Variants in SNTB1 observed in about 807,000 individuals in gnomAD.
SNTB1 encodes syntrophin beta 1.
SNTB1 carries 36 observed loss-of-function variants against 48.9 expected under a neutral mutation model. The ratio of observed to expected loss-of-function variants is 0.74; its 90% CI spans 0.56 to 0.97. SNTB1 has a LOEUF of 0.97. Ranked by LOEUF, SNTB1 falls within the 50% of genes least tolerant of loss-of-function variation. The probability of loss-of-function intolerance (pLI) is 0.00; values close to 1 mark genes in which losing one functional copy is unlikely to be tolerated. For missense variants in SNTB1, 786 were observed against 703.4 expected (o/e 1.12, Z -1.33); for synonymous variants, 299 against 294.6 (o/e 1.01, Z -0.15).
chr8:120,645,207 C>T (rs1462334175), intron 2 of SNTB1, among the ~76,000 whole-genome samples: 2 of 152,130 alleles, frequency 1.3e-5, no homozygotes, highest in Non-Finnish European at 2.9e-5. Context: ...GTTGCCATTG[C>T]TTTTGGTATT....
At chr8:120,675,562 C>T (rs1246284859) in intron 2 of SNTB1, among the ~76,000 whole-genome samples, 2 of 152,186 alleles carry the variant, frequency 1.3e-5, no homozygotes, top group African/African-American at 4.8e-5. Context: ...CTTCCAGGAA[C>T]ACACATACTT....
In SNTB1 at chr8:120,598,018, T is replaced by A. The variant is rs145579195; in HGVS notation, c.997-22793A>T. Among the ~76,000 whole-genome samples the A allele has an allele frequency of 1.8e-3, 270 of 152,276 alleles. 4 individuals carry two copies. The Middle Eastern group carries it at 0.065, about 36-fold the overall frequency. ...AAAGTCTTCATTAATTCCTCAAGAGTAAACTTTTTTCTGTTTGGGGATGGG... is the reference window on the plus strand; with the variant it reads ...AAAGTCTTCATTAATTCCTCAAGAGAAAACTTTTTTCTGTTTGGGGATGGG... On this transcript the variant is annotated intron_variant, in intron 3 of 6. Transcript: ENST00000517992.
intron 1 of SNTB1, among the ~76,000 whole-genome samples, chr8:120,739,239 A>G (rs904881357): frequency 2.0e-5 from 3 of 152,158 alleles, no homozygotes; most frequent in Non-Finnish European, 4.4e-5. Flanking sequence ...GACCCCTCCT[A>G]TCAATCAGCA....
intron 2 of SNTB1, among the ~76,000 whole-genome samples, chr8:120,633,553 C>T (rs551608054): frequency 1.5e-4 from 23 of 151,900 alleles, no homozygotes; most frequent in Admixed American, 5.9e-4. Context: ...TGCAGTGAGC[C>T]GAGATCAAGC....
At chr8:120,727,658 C>A (rs915249955) in intron 1 of SNTB1, among the ~76,000 whole-genome samples, 1 of 152,144 alleles carries the variant, frequency 6.6e-6, no homozygotes, top group Non-Finnish European at 1.5e-5. Context: ...GAAATTTAGC[C>A]AAACTACTGT....
intron 1 of SNTB1, among the ~76,000 whole-genome samples, chr8:120,737,664 G>A (rs546751834): frequency 2.0e-5 from 3 of 152,302 alleles, no homozygotes; most frequent in African/African-American, 7.2e-5. Flanking sequence ...CCTGGGGCCA[G>A]CCATGTCAAG....
chr8:120,735,154 C>T (rs938210967), intron 1 of SNTB1, among the ~76,000 whole-genome samples: 3 of 152,076 alleles, frequency 2.0e-5, no homozygotes, highest in African/African-American at 7.2e-5. Flanking sequence ...TGTGACAACC[C>T]GAGGTCAATG....
At chr8:120,572,677 T>C (rs1482368902) in intron 4 of SNTB1, among the ~76,000 whole-genome samples, 2 of 152,024 alleles carry the variant, frequency 1.3e-5, no homozygotes, top group South Asian at 2.1e-4. Context: ...TCACCTGAGG[T>C]CAGGAGTTCA....
At chr8:120,732,092 T>C (rs948932617) in intron 1 of SNTB1, among the ~76,000 whole-genome samples, 2 of 152,200 alleles carry the variant, frequency 1.3e-5, no homozygotes, top group African/African-American at 4.8e-5. Context: ...CACAATACCT[T>C]TGTAAAGAGC....
At position 120,618,056 on chromosome 8, in the gene SNTB1, C is replaced by T. The variant is rs984395681; in HGVS notation, c.996+14388G>A. Among the ~76,000 whole-genome samples the T allele has an allele frequency of 3.3e-5, 5 of 152,222 alleles. No homozygotes were observed. In the East Asian group the frequency reaches 5.8e-4, roughly 18 times the overall value. ...TTCTTAAACGAGGCCATGCATTTTGCGTCTTTATGCCTTTGCACATACTAT... is the reference window on the plus strand; with the variant it reads ...TTCTTAAACGAGGCCATGCATTTTGTGTCTTTATGCCTTTGCACATACTAT... On this transcript the variant is annotated intron_variant, in intron 3 of 6. Transcript: ENST00000517992.
At chr8:120,619,691 TAC>T (rs1302703557) in intron 3 of SNTB1, among the ~76,000 whole-genome samples, 6 of 152,228 alleles carry the variant, frequency 3.9e-5, no homozygotes, top group Non-Finnish European at 7.3e-5. Flanking sequence ...CATGATTTAA[TAC>T]AGTTTTTACT....
At chr8:120,747,546 C>T (rs1474024268) in intron 1 of SNTB1, among the ~76,000 whole-genome samples, 1 of 152,124 alleles carries the variant, frequency 6.6e-6, no homozygotes, top group Non-Finnish European at 1.5e-5. Context: ...CTGCCTCAGC[C>T]TCCGAAAGTG....
chr8:120,653,426 G>C (rs1817441378), intron 2 of SNTB1, among the ~76,000 whole-genome samples: 1 of 152,016 alleles, frequency 6.6e-6, no homozygotes, highest in South Asian at 2.1e-4. Flanking sequence ...TTAGGAGAGA[G>C]GTATGAAATG....
At position 120,811,259 on chromosome 8, in the gene SNTB1, T is replaced by A; in HGVS notation, c.571+14A>T. 1 of 1,578,412 alleles carries A rather than the reference T, an allele frequency of 6.3e-7. No individual in the cohort carries two copies. Among genetic ancestry groups the A allele is most frequent in the Non-Finnish European group, 8.6e-7 (1 of 1,169,022 alleles). On this transcript the variant is annotated intron_variant, in intron 1 of 6. Coordinates refer to ENST00000517992, the MANE Select transcript of SNTB1 (RefSeq NM_021021.4). ...TGCGCGCCCGGCGCGGCCCGCGCGC[T>A]GTTAACCCCTTACCTTCCAGCAGCA...
chr8:120,795,663 G>A (rs190566259), intron 1 of SNTB1, among the ~76,000 whole-genome samples: 235 of 152,106 alleles, frequency 1.5e-3, no homozygotes, highest in Non-Finnish European at 2.1e-3. Context: ...CCACCAACTG[G>A]ATGGCTTAGA....
At chr8:120,807,610 T>G (rs556806629) in intron 1 of SNTB1, among the ~76,000 whole-genome samples, 94 of 152,332 alleles carry the variant, frequency 6.2e-4, no homozygotes, top group African/African-American at 2.2e-3. Context: ...GGCTGGGCCA[T>G]GTTACAGCAG....
At chr8:120,628,681 C>G (rs927191120) in intron 3 of SNTB1, among the ~76,000 whole-genome samples, 6 of 151,852 alleles carry the variant, frequency 4.0e-5, no homozygotes, top group African/African-American at 1.5e-4. Context: ...TGCTTGAATC[C>G]GGAGGCAGAG....
At chr8:120,623,107 C>T (rs1291878870) in intron 3 of SNTB1, among the ~76,000 whole-genome samples, 1 of 152,232 alleles carries the variant, frequency 6.6e-6, no homozygotes, top group Non-Finnish European at 1.5e-5. Flanking sequence ...TTACCTTCCT[C>T]TGCAGCCTAG....
chr8:120,616,713 A>G (rs911965696), intron 3 of SNTB1, among the ~76,000 whole-genome samples: 1 of 152,232 alleles, frequency 6.6e-6, no homozygotes, highest in African/African-American at 2.4e-5. Context: ...CATTTGCATA[A>G]AGCCACTTAA....
Sources: allele counts gnomAD v4.1 joint callset (sites outside exome capture counted in the v4.1 genomes callset), GRCh38; gene constraint gnomAD v4.1.1; transcripts MANE v1.5; gene names NCBI Gene and HGNC (gene_info 2026-07-23, HGNC 2026-07-21).